Variants in STK3 observed in about 807,000 individuals in gnomAD.
STK3 encodes serine/threonine-protein kinase 3.
Under a neutral mutation model 58.0 loss-of-function variants are expected in STK3, and 41 were observed. That is an observed-to-expected ratio of 0.71 (90% CI 0.55 to 0.92). The LOEUF is 0.92. Ranked by LOEUF, STK3 falls within the 40% of genes least tolerant of loss-of-function variation. The pLI, the probability that STK3 is intolerant of heterozygous loss-of-function variation, is 0.00. For missense variants in STK3, 479 were observed against 602.7 expected, an observed-to-expected ratio of 0.79 and a Z score of 2.15; for synonymous variants, 170 against 191.0, an observed-to-expected ratio of 0.89 and a Z score of 0.91.
downstream of STK3, chr8:98,879,716 A>G (rs1837723275): frequency 1.3e-5 from 2 of 152,156 alleles, no homozygotes. Context: ...TTTCAATTCA[A>G]ATTAATGTAT....
intron 6 of STK3, among the ~76,000 whole-genome samples, chr8:98,683,059 G>C (rs1265080479): frequency 6.6e-6 from 1 of 151,988 alleles, no homozygotes; most frequent in Non-Finnish European, 1.5e-5. Context: ...TGTTAAAACA[G>C]TTTTCATCCC....
upstream of STK3, among the ~76,000 whole-genome samples, chr8:98,826,881 C>T (rs1379083695): frequency 7.4e-6 from 1 of 134,466 alleles, no homozygotes. Context: ...AAAAGTTAGC[C>T]GGGCCTGGTG....
intron 7 of STK3, among the ~76,000 whole-genome samples, chr8:98,586,107 G>A (rs1441720523): frequency 6.6e-6 from 1 of 151,938 alleles, no homozygotes; most frequent in Non-Finnish European, 1.5e-5. Context: ...CTGCCTGATT[G>A]CCCTGGCCAG....
intron 3 of STK3, among the ~76,000 whole-genome samples, chr8:98,872,639 A>G (rs919426275): frequency 3.9e-5 from 6 of 152,182 alleles, no homozygotes; most frequent in Non-Finnish European, 8.8e-5. Flanking sequence ...AGGTGTTTAT[A>G]GTATTCTCTG....
At chr8:98,622,051 G>T (rs1818370671) in intron 6 of STK3, among the ~76,000 whole-genome samples, 1 of 149,974 alleles carries the variant, frequency 6.7e-6, no homozygotes, top group South Asian at 2.1e-4. Context: ...ATCACTTGAG[G>T]TCAGGAGTTC....
intron 3 of STK3, among the ~76,000 whole-genome samples, chr8:98,858,480 T>C (rs968069611): frequency 6.6e-6 from 1 of 150,860 alleles, no homozygotes; most frequent in African/African-American, 2.4e-5. Context: ...AATTTTTTTT[T>C]AAACTCTCTC....
At chr8:98,690,752 C>A (rs1824345906) in intron 6 of STK3, among the ~76,000 whole-genome samples, 1 of 152,026 alleles carries the variant, frequency 6.6e-6, no homozygotes, top group Non-Finnish European at 1.5e-5. Flanking sequence ...CAATTCTAAG[C>A]AAAAAGAACA....
At chr8:98,359,966 G>C in the STK3 span, among the ~76,000 whole-genome samples, 1 of 152,160 alleles carries the variant, frequency 6.6e-6, no homozygotes, top group Non-Finnish European at 1.5e-5. Flanking sequence ...GGCATGGGAA[G>C]GGTAAACAGT....
At chr8:98,869,407 TGA>T (rs1837281059) in intron 3 of STK3, among the ~76,000 whole-genome samples, 1 of 152,052 alleles carries the variant, frequency 6.6e-6, no homozygotes, top group African/African-American at 2.4e-5. Flanking sequence ...GGCAACAGAG[TGA>T]GACCCTGTCT....
intron 3 of STK3, among the ~76,000 whole-genome samples, chr8:98,408,484 A>G (rs1385896144): frequency 6.6e-6 from 1 of 152,212 alleles, no homozygotes; most frequent in Non-Finnish European, 1.5e-5. Context: ...AAAGACCAGG[A>G]GAAGAGAAAG....
intron 1 of STK3, among the ~76,000 whole-genome samples, chr8:98,788,303 T>G (rs533544791): frequency 6.6e-6 from 1 of 152,044 alleles, no homozygotes; most frequent in South Asian, 2.1e-4. Flanking sequence ...CCGGGCGTGG[T>G]GGTGCGCGCC....
intron 1 of STK3, among the ~76,000 whole-genome samples, chr8:98,784,204 T>C (rs1298195460): frequency 6.6e-6 from 1 of 152,212 alleles, no homozygotes; most frequent in Non-Finnish European, 1.5e-5. Context: ...ATTTTAAATG[T>C]GGGTGCATGC....
chr8:98,440,114 C>A (rs984140633), intron 1 of STK3, among the ~76,000 whole-genome samples: 6 of 152,056 alleles, frequency 3.9e-5, no homozygotes, highest in African/African-American at 1.4e-4. Context: ...CAGTCTAGCC[C>A]CAAAGGGATA....
At chr8:98,617,466 G>A (rs1286449488) in intron 6 of STK3, among the ~76,000 whole-genome samples, 1 of 139,980 alleles carries the variant, frequency 7.1e-6, no homozygotes, top group African/African-American at 2.7e-5. Flanking sequence ...TAAAATCAGA[G>A]CAGAACTGAA....
chr8:98,914,325 T>G (rs1254191198), intron 1 of STK3, among the ~76,000 whole-genome samples: 1 of 152,150 alleles, frequency 6.6e-6, no homozygotes, highest in African/African-American at 2.4e-5. Flanking sequence ...GATCGCTCAC[T>G]CGAGCCTAGG....
At chr8:98,776,465 G>A (rs1042426916) in intron 1 of STK3, among the ~76,000 whole-genome samples, 2 of 152,104 alleles carry the variant, frequency 1.3e-5, no homozygotes, top group Non-Finnish European at 2.9e-5. Flanking sequence ...TTCCCCAAAT[G>A]TGACTTCATT....
At chr8:98,548,326 A>C (rs1388895888) in intron 8 of STK3, among the ~76,000 whole-genome samples, 165 bp from the exon 9 acceptor site, 3 of 152,164 alleles carry the variant, frequency 2.0e-5, no homozygotes, top group Non-Finnish European at 4.4e-5. Flanking sequence ...TAAGAGTGAA[A>C]ATTATTCAAA....
intron 10 of STK3, among the ~76,000 whole-genome samples, chr8:98,526,080 A>G (rs1298627449): frequency 6.6e-6 from 1 of 151,920 alleles, no homozygotes; most frequent in Non-Finnish European, 1.5e-5. Flanking sequence ...TCACTCCATT[A>G]AATAACTCAT....
intron 6 of STK3, among the ~76,000 whole-genome samples, chr8:98,596,766 A>G (rs1815860999): frequency 1.3e-5 from 2 of 152,112 alleles, no homozygotes; most frequent in African/African-American, 4.8e-5. Context: ...TAATACATTC[A>G]GAAACCTCAA....
Sources: gnomAD v4.1 joint callset for allele counts (sites outside exome capture counted in the v4.1 genomes callset) on GRCh38, gnomAD v4.1.1 for gene constraint, MANE v1.5 for transcripts, NCBI Gene and HGNC (gene_info 2026-07-23, HGNC 2026-07-21) for gene names.